The following IBTK variants were observed in gnomAD, a reference collection of about 807,000 sequenced individuals.
The protein encoded by IBTK is BTK-binding protein.
IBTK carries 83 observed loss-of-function variants against 154.9 expected under a neutral mutation model. The observed-to-expected ratio is 0.54, with a 90% CI of 0.45 to 0.64. IBTK has a LOEUF of 0.64. IBTK is among the 30% of genes least tolerant of loss of function. IBTK has a pLI of 0.00. For synonymous variants in IBTK, 515 were observed against 536.1 expected (o/e 0.96, Z 0.54); for missense variants, 1,332 against 1,584.6 (o/e 0.84, Z 2.71).
At position 82,171,395 on chromosome 6, in the gene IBTK, A is replaced by T; in HGVS notation, c.*30T>A. 6.3e-7 allele frequency: 1 copy of T among 1,585,820 alleles called. No individual in the cohort carries two copies. The highest frequency in any genetic ancestry group is 2.2e-4 in the Middle Eastern group (1 of 4,616). ...TCTTTATATGAACAAACTCATAATTATGTAAAATGCATCTCAACTCCACAG... is the reference window on the plus strand; with the variant it reads ...TCTTTATATGAACAAACTCATAATTTTGTAAAATGCATCTCAACTCCACAG... On this transcript the variant is annotated 3_prime_UTR_variant, in exon 29 of 29. Coordinates refer to ENST00000306270, the MANE Select transcript of IBTK (RefSeq NM_015525.4).
At chr6:82,172,097 C>G (rs1257427825) in intron 28 of IBTK, among the ~76,000 whole-genome samples, 1 of 152,082 alleles carries the variant, frequency 6.6e-6, no homozygotes, top group Admixed American at 6.5e-5. Flanking sequence ...AGAATACTGC[C>G]AAATTCTCTA....
In IBTK at chr6:82,247,702, C is replaced by G. The variant is rs1290889402; in HGVS notation, c.-498G>C. On this transcript the variant is annotated 5_prime_UTR_variant, in exon 1 of 29. Coordinates refer to ENST00000306270, the MANE Select transcript of IBTK (RefSeq NM_015525.4). ...CCCAGACCCGGGTCAGTTCGGCAGGCGGCTGCAATACAGCCGCTACTACAG... is the reference window on the plus strand; with the variant it reads ...CCCAGACCCGGGTCAGTTCGGCAGGGGGCTGCAATACAGCCGCTACTACAG... 4.0e-5 allele frequency: 16 copies of G among 398,104 alleles called. No individual in the cohort carries two copies. The highest frequency in any genetic ancestry group is 7.1e-5 in the Non-Finnish European group (16 of 225,856). The allele number at this position is 398,104 out of a possible 1,614,324, so 24.7% of individuals were successfully genotyped here.
At chr6:82,214,192 G>A (rs753203685) in intron 12 of IBTK, 35 bp downstream of exon 12, 1 of 1,545,600 alleles carries the variant, frequency 6.5e-7, no homozygotes, top group Non-Finnish European at 8.7e-7. Context: ...AGGACTGAAT[G>A]AGGTACAGGA....
In IBTK at chr6:82,194,599, G is replaced by A; in HGVS notation, c.3218C>T (p.Ser1073Phe). 1.2e-6 allele frequency: 2 copies of A among 1,608,752 alleles called. No individual in the cohort carries two copies. Among genetic ancestry groups the A allele is most frequent in the Non-Finnish European group, 1.7e-6 (2 of 1,177,318 alleles). The change falls in exon 23 of 29, where the codon TCT becomes TTT. Residue 1073 changes from serine (S) to phenylalanine (F), a missense_variant. Coordinates refer to ENST00000306270, the MANE Select transcript of IBTK (RefSeq NM_015525.4). ...TTCCCATGGTTTTAAATCTTCCCTA[G>A]AATACACAGGAGATGTACCATTAAC... ...PYVNGTSPVYSREDLKPWEKS... is the reference protein window; with the variant it reads ...PYVNGTSPVYFREDLKPWEKS...
intron 26 of IBTK, among the ~76,000 whole-genome samples, chr6:82,178,283 T>A (rs1768189694): frequency 6.6e-6 from 1 of 152,222 alleles, no homozygotes; most frequent in Non-Finnish European, 1.5e-5. Flanking sequence ...GCCCTGATGT[T>A]ATAGCACACT....
intron 16 of IBTK, chr6:82,205,402 G>A (rs944670886): frequency 6.6e-6 from 1 of 152,330 alleles, no homozygotes; most frequent in Non-Finnish European, 1.5e-5. Flanking sequence ...ATGCTCTTAT[G>A]CTTTCTTATT....
intron 9 of IBTK, 101 bp downstream of exon 9, chr6:82,220,489 T>A: frequency 8.2e-7 from 1 of 1,224,740 alleles, no homozygotes; most frequent in Non-Finnish European, 1.1e-6. Context: ...TCAAAGTCAA[T>A]AGGAATTGTC....
At chr6:82,199,877 C>T (rs1481837521) in intron 21 of IBTK, among the ~76,000 whole-genome samples, 1 of 152,146 alleles carries the variant, frequency 6.6e-6, no homozygotes, top group Non-Finnish European at 1.5e-5. Flanking sequence ...CTTAATATAC[C>T]TATCTGCCTC....
At chr6:82,218,663 A>G (rs894080777) in intron 9 of IBTK, among the ~76,000 whole-genome samples, 1 of 152,216 alleles carries the variant, frequency 6.6e-6, no homozygotes, top group Admixed American at 6.5e-5. Flanking sequence ...GAGTCCCTGA[A>G]AAGTAGCTCC....
chr6:82,196,530 G>A, intron 21 of IBTK, 84 bp from the exon 22 acceptor site: 6 of 678,544 alleles, frequency 8.8e-6, no homozygotes, highest in Non-Finnish European at 1.1e-5. Flanking sequence ...AGCTAAAAAA[G>A]CTTTCATTTA....
At chr6:82,227,570 A>C (rs962828867) in intron 4 of IBTK, among the ~76,000 whole-genome samples, 1 of 152,012 alleles carries the variant, frequency 6.6e-6, no homozygotes, top group Non-Finnish European at 1.5e-5. Flanking sequence ...GAGATTACCC[A>C]AAGGAAAATA....
intron 23 of IBTK, among the ~76,000 whole-genome samples, chr6:82,193,052 C>T (rs1195231298): frequency 1.3e-5 from 2 of 149,788 alleles, no homozygotes; most frequent in African/African-American, 2.5e-5. Context: ...GAGCCGAGAT[C>T]GTGCCACCGC....
intron 26 of IBTK, 103 bp downstream of exon 26, chr6:82,181,775 CA>C (rs1474672205): frequency 1.3e-6 from 1 of 765,108 alleles, no homozygotes; most frequent in Non-Finnish European, 2.0e-6. Flanking sequence ...AAAGAGTGTA[CA>C]AAAAATCTGC....
chr6:82,225,763 G>A (rs757413014), intron 5 of IBTK, 116 bp from the exon 6 acceptor site: 20 of 720,210 alleles, frequency 2.8e-5, no homozygotes, highest in Middle Eastern at 2.7e-4. Context: ...ATACATGGCT[G>A]TATCTATCAT....
Position 82,172,528 on chromosome 6 carries a change from T to A in IBTK, c.3798-16A>T. 2 of 1,588,168 alleles carry A rather than the reference T, an allele frequency of 1.3e-6. No individual in the cohort carries two copies. The highest frequency in any genetic ancestry group is 1.7e-6 in the Non-Finnish European group (2 of 1,172,674). ...TAGCCAGGGACTGAAAGAATAATAA[T>A]AATGAGTTTCATTCATCTTCCTAAA... On this transcript the variant is annotated splice_polypyrimidine_tract_variant and intron_variant, in intron 27 of 28. Transcript: ENST00000306270.
rs755517723 is a variant in IBTK at position 82,212,686 on chromosome 6, A to T, written c.2291+21T>A. 2.0e-6 allele frequency: 3 copies of T among 1,463,916 alleles called. No homozygotes were observed. In the Admixed American group the frequency reaches 5.0e-5, roughly 24 times the overall value. 90.7% of individuals were successfully genotyped at this position (1,463,916 alleles called of 1,614,324 possible). A position where few individuals can be genotyped will look rare whatever the true frequency, so the allele number is the denominator to read the frequency against. Reference sequence around the variant, plus strand: ...TGCCAAAATCCAGACATGAAATGTTAATCTTCCTTTCCTTACTTACCATTT... The same window carrying T: ...TGCCAAAATCCAGACATGAAATGTTTATCTTCCTTTCCTTACTTACCATTT... On this transcript the variant is annotated intron_variant, in intron 13 of 28. Transcript: ENST00000306270.
In IBTK at chr6:82,201,420, A is replaced by G. The variant is rs1238486930; in HGVS notation, c.2790+2T>C. The G allele has an allele frequency of 6.2e-7, 1 of 1,605,542 alleles. No individual in the cohort carries two copies. Among genetic ancestry groups the G allele is most frequent in the Admixed American group, 1.7e-5 (1 of 59,470 alleles). On this transcript the variant is annotated splice_donor_variant, in intron 19 of 28. Transcript: ENST00000306270. LOFTEE classifies it high-confidence loss of function. ...GCGAAAATCTTAAAACATAAACCTT[A>G]CCATTTTCCGGTAAAACTCAGAAAG...
At chr6:82,241,262 G>T (rs1370357009) in intron 1 of IBTK, among the ~76,000 whole-genome samples, 2 of 151,690 alleles carry the variant, frequency 1.3e-5, no homozygotes, top group African/African-American at 4.8e-5. Flanking sequence ...TACTAGTTAT[G>T]TCCCCACAAG....
chr6:82,201,458 A>G lies in IBTK; in HGVS notation c.2754T>C (p.Gly918=). Residue 918 remains glycine (G), a synonymous_variant, in exon 19 of 29, where the codon GGT becomes GGC. Coordinates refer to ENST00000306270, the MANE Select transcript of IBTK (RefSeq NM_015525.4). ...AAAACTCAGAAAGATCCTTCAAAACACCATCGCTTAAAACATCAAGAGACC... is the reference window on the plus strand; with the variant it reads ...AAAACTCAGAAAGATCCTTCAAAACGCCATCGCTTAAAACATCAAGAGACC... ...EARSLDVLSD[G]VLKDLSEFYR... The G allele has an allele frequency of 6.2e-7, 1 of 1,608,738 alleles. No homozygotes were observed. Among genetic ancestry groups the G allele is most frequent in the Non-Finnish European group, 8.5e-7 (1 of 1,177,278 alleles).
Sources: allele counts gnomAD v4.1 joint callset (sites outside exome capture counted in the v4.1 genomes callset), GRCh38; gene constraint gnomAD v4.1.1; transcripts MANE v1.5; gene names NCBI Gene and HGNC (gene_info 2026-07-23, HGNC 2026-07-21).